ATP8B4: variants seen among roughly 807,000 people sequenced by gnomAD.
The protein encoded by ATP8B4 is ATPase phospholipid transporting 8B4 (putative).
Under a neutral mutation model 145.6 loss-of-function variants are expected in ATP8B4, and 133 were observed. That is an observed-to-expected ratio of 0.91 (90% CI 0.79 to 1.05). The LOEUF is 1.05. Ranked by LOEUF, ATP8B4 falls within the 50% of genes least tolerant of loss-of-function variation. ATP8B4 has a pLI of 0.00. For synonymous variants in ATP8B4, 507 were observed against 492.9 expected (o/e 1.03, Z -0.38); for missense variants, 1,458 against 1,425.2 (o/e 1.02, Z -0.37).
At chr15:49,982,559 G>A (rs983167162) in intron 10 of ATP8B4, 1 of 151,966 alleles carries the variant, frequency 6.6e-6, no homozygotes, top group Non-Finnish European at 1.5e-5. Flanking sequence ...GGTGCTGTAG[G>A]CTTAAAAAAA....
At chr15:49,953,871 G>A (rs1365549058) in intron 14 of ATP8B4, among the ~76,000 whole-genome samples, 2 of 152,198 alleles carry the variant, frequency 1.3e-5, no homozygotes, top group Non-Finnish European at 1.5e-5. Flanking sequence ...AAAAAGCACA[G>A]TTTCCCCGGC....
At chr15:50,139,373 G>A (rs370834236) in intron 1 of ATP8B4, among the ~76,000 whole-genome samples, 41 of 152,240 alleles carry the variant, frequency 2.7e-4, no homozygotes, top group African/African-American at 9.6e-4. Flanking sequence ...ACTCATAAGT[G>A]GGAGTTGAAA....
In ATP8B4 at chr15:49,929,458, T is replaced by A. The variant is rs115010281; in HGVS notation, c.1642+1661A>T. Among the ~76,000 whole-genome samples the A allele has an allele frequency of 6.2e-3, 944 of 152,196 alleles. 14 individuals are homozygous for A. The highest frequency in any genetic ancestry group is 0.022 in the African/African-American group (895 of 41,514). ...TAGTTGTGAGAAAGAAAGTTCCATA[T>A]TTGACATAAAACTTTAGGTAACAAT... is the stretch of plus-strand genomic sequence containing the variant. On this transcript the variant is annotated intron_variant, in intron 16 of 27. Coordinates refer to ENST00000284509, the MANE Select transcript of ATP8B4 (RefSeq NM_024837.4).
chr15:49,909,243 C>G (rs1313277151), intron 20 of ATP8B4, among the ~76,000 whole-genome samples: 1 of 152,154 alleles, frequency 6.6e-6, no homozygotes, highest in Non-Finnish European at 1.5e-5. Flanking sequence ...ATCATGACCA[C>G]TCCTCCCAGA....
Position 49,979,697 on chromosome 15 carries a change from G to A in ATP8B4, c.954C>T (p.Ser318=). ...ATGTTAAGAATCCGGAGAACACAGA[G>A]CTCTTCTCTCCTTCATTCCAAAAGA... ...TFLFWNEGEK[S]SVFSGFLTFW... is the part of the protein sequence containing the mutation. Residue 318 remains serine (S), a synonymous_variant, in exon 12 of 28, where the codon AGC becomes AGT. Coordinates refer to ENST00000284509, the MANE Select transcript of ATP8B4 (RefSeq NM_024837.4). The A allele has an allele frequency of 6.2e-7, 1 of 1,609,868 alleles. No homozygotes were observed. Among genetic ancestry groups the A allele is most frequent in the Middle Eastern group, 1.7e-4 (1 of 6,044 alleles).
At chr15:50,045,977 C>A (rs2051686204) in intron 4 of ATP8B4, among the ~76,000 whole-genome samples, 1 of 152,142 alleles carries the variant, frequency 6.6e-6, no homozygotes, top group Non-Finnish European at 1.5e-5. Flanking sequence ...GATGTTTATT[C>A]ATTGTTTGTT....
At chr15:50,006,687 C>T (rs576053185) in intron 7 of ATP8B4, among the ~76,000 whole-genome samples, 19 of 152,180 alleles carry the variant, frequency 1.2e-4, no homozygotes, top group Middle Eastern at 3.4e-3. Flanking sequence ...CAGAAGAATG[C>T]CTTGGTTTTA....
intron 12 of ATP8B4, among the ~76,000 whole-genome samples, chr15:49,975,447 A>G (rs1450393191): frequency 6.6e-6 from 1 of 152,150 alleles, no homozygotes; most frequent in Non-Finnish European, 1.5e-5. Context: ...TATAATACCT[A>G]ATACAATGTA....
At chr15:50,054,609 C>T (rs1224301602) in intron 3 of ATP8B4, among the ~76,000 whole-genome samples, 1 of 151,658 alleles carries the variant, frequency 6.6e-6, no homozygotes, top group Non-Finnish European at 1.5e-5. Context: ...TGGTGAAACC[C>T]CATCTCTACT....
At chr15:49,860,557 C>CT (rs368198421) in intron 27 of ATP8B4, 82 bp from the exon 28 acceptor site, 15,366 of 1,233,148 alleles carry the variant, frequency 0.012, 33 homozygotes, top group Middle Eastern at 0.039. Flanking sequence ...AAGTGAAAGC[C>CT]TTTTTTTTTT....
chr15:50,048,506 G>A (rs560673420), intron 3 of ATP8B4, among the ~76,000 whole-genome samples: 8 of 151,980 alleles, frequency 5.3e-5, no homozygotes, highest in South Asian at 2.1e-4. Context: ...TCAGGAGTTC[G>A]AGACCAGCCT....
intron 2 of ATP8B4, among the ~76,000 whole-genome samples, chr15:50,103,937 A>G (rs2056522164): frequency 6.6e-6 from 1 of 152,210 alleles, no homozygotes; most frequent in South Asian, 2.1e-4. Context: ...AAATATTTAC[A>G]GTCACCTGAT....
At chr15:50,107,886 C>T (rs868313687) in intron 1 of ATP8B4, among the ~76,000 whole-genome samples, 9 of 152,076 alleles carry the variant, frequency 5.9e-5, no homozygotes, top group Admixed American at 3.3e-4. Context: ...AGAGGAAGTT[C>T]ATCAACACGC....
Position 49,858,855 on chromosome 15 carries a change from C to A in ATP8B4, c.*1339G>T, listed in dbSNP as rs922303689. On this transcript the variant is annotated 3_prime_UTR_variant, in exon 28 of 28. Transcript: ENST00000284509. ...CTCTGTTATACTGATGTTGAGTTAA[C>A]TGGAACTTAACTCATCTGTTTATGA... The A allele has an allele frequency of 6.6e-6, 1 of 152,116 alleles. No individual in the cohort carries two copies. Among genetic ancestry groups the A allele is most frequent in the African/African-American group, 2.4e-5 (1 of 41,434 alleles). The allele number at this position is 152,116 out of a possible 1,614,324, so 9.4% of individuals were successfully genotyped here.
chr15:49,873,638 A>T (rs768809888), intron 25 of ATP8B4, among the ~76,000 whole-genome samples: 1 of 152,088 alleles, frequency 6.6e-6, no homozygotes, highest in African/African-American at 2.4e-5. Flanking sequence ...ATTTCCTGCA[A>T]TGTATTCCTT....
At chr15:49,913,901 A>G (rs1040158212) in intron 20 of ATP8B4, among the ~76,000 whole-genome samples, 3 of 152,202 alleles carry the variant, frequency 2.0e-5, no homozygotes, top group African/African-American at 4.8e-5. Context: ...AAGACATTCC[A>G]TGCTCATGGA....
At chr15:50,052,738 C>T (rs964917809) in intron 3 of ATP8B4, among the ~76,000 whole-genome samples, 6 of 152,094 alleles carry the variant, frequency 3.9e-5, no homozygotes, top group African/African-American at 1.4e-4. Flanking sequence ...AGGTGGCACA[C>T]TTGGGGATCT....
intron 3 of ATP8B4, among the ~76,000 whole-genome samples, chr15:50,067,377 G>T (rs2053452895): frequency 6.6e-6 from 1 of 152,052 alleles, no homozygotes. Context: ...AATTCCTCAT[G>T]ACATACTGTC....
intron 2 of ATP8B4, among the ~76,000 whole-genome samples, chr15:50,077,687 A>C (rs2054272544): frequency 6.6e-6 from 1 of 152,220 alleles, no homozygotes; most frequent in African/African-American, 2.4e-5. Context: ...ACCTTAGAGT[A>C]ATTAAAAAAA....
Sources: gnomAD v4.1 joint callset for allele counts (sites outside exome capture counted in the v4.1 genomes callset) on GRCh38, gnomAD v4.1.1 for gene constraint, MANE v1.5 for transcripts, NCBI Gene and HGNC (gene_info 2026-07-23, HGNC 2026-07-21) for gene names.